RIPOR2: variants seen among roughly 807,000 people sequenced by gnomAD.
RIPOR2 encodes the protein rho family-interacting cell polarization regulator 2.
A neutral mutation model predicts 114.5 loss-of-function variants in RIPOR2; 39 were observed. The observed-to-expected ratio is 0.34, with a 90% CI of 0.26 to 0.44. RIPOR2 has a LOEUF of 0.44. RIPOR2 is among the 20% of genes least tolerant of loss of function. The probability of loss-of-function intolerance (pLI) is 1.00; values close to 1 mark genes in which losing one functional copy is unlikely to be tolerated. For missense variants in RIPOR2, 1,007 were observed against 1,255.1 expected (o/e 0.80, Z 2.99); for synonymous variants, 445 against 484.4 (o/e 0.92, Z 1.07).
chr6:24,811,295 G>T (rs1317785383), intron 20 of RIPOR2, among the ~76,000 whole-genome samples: 7 of 133,230 alleles, frequency 5.3e-5, no homozygotes, highest in Admixed American at 1.6e-4. Flanking sequence ...GTGCAGTGGT[G>T]CAATCTTGGC....
At chr6:24,976,477 T>G (rs2113565582) in intron 1 of RIPOR2, 1 of 1,571,690 alleles carries the variant, frequency 6.4e-7, no homozygotes, top group Admixed American at 1.7e-5. Context: ...TTGGGCCGCA[T>G]CTCCTTTGAG....
At chr6:24,901,333 T>G (rs899515362) in intron 1 of RIPOR2, among the ~76,000 whole-genome samples, 9 of 152,128 alleles carry the variant, frequency 5.9e-5, no homozygotes, top group African/African-American at 2.2e-4. Flanking sequence ...TTTTCTTCCA[T>G]CAGTGAGGGA....
chr6:24,952,162 G>C (rs918196329), intron 1 of RIPOR2, among the ~76,000 whole-genome samples: 1 of 152,174 alleles, frequency 6.6e-6, no homozygotes, highest in Non-Finnish European at 1.5e-5. Context: ...GAAGGAAATA[G>C]AACAACTGAG....
At chr6:24,874,733 A>G (rs980781523) in intron 2 of RIPOR2, among the ~76,000 whole-genome samples, 1 of 152,264 alleles carries the variant, frequency 6.6e-6, no homozygotes, top group African/African-American at 2.4e-5. Context: ...ACAAGTGTCT[A>G]TGAAATTCAA....
At chr6:25,017,878 C>T (rs1776090704) in intron 1 of RIPOR2, among the ~76,000 whole-genome samples, 1 of 152,190 alleles carries the variant, frequency 6.6e-6, no homozygotes, top group Non-Finnish European at 1.5e-5. Flanking sequence ...GTAAAGTCTT[C>T]AGGACACCTA....
At chr6:24,807,665 C>T (rs62400835) in intron 21 of RIPOR2, among the ~76,000 whole-genome samples, 6,612 of 152,278 alleles carry the variant, frequency 0.043, 186 homozygotes, top group Non-Finnish European at 0.063. Flanking sequence ...AACAGCCCAA[C>T]AGCCATTTAG....
chr6:24,830,457 G>C, intron 17 of RIPOR2, 52 bp downstream of exon 17: 1 of 1,128,302 alleles, frequency 8.9e-7, no homozygotes, highest in Non-Finnish European at 1.3e-6. Flanking sequence ...CCACCCCAAT[G>C]CCCACTCTCA....
chr6:24,959,453 G>A (rs185112949), intron 1 of RIPOR2, among the ~76,000 whole-genome samples: 31 of 152,352 alleles, frequency 2.0e-4, no homozygotes, highest in African/African-American at 7.5e-4. Context: ...ATGAAAGTAG[G>A]AAAGATTGCT....
At chr6:24,953,057 G>T (rs1167219317) in intron 1 of RIPOR2, among the ~76,000 whole-genome samples, 2 of 152,174 alleles carry the variant, frequency 1.3e-5, no homozygotes, top group Non-Finnish European at 2.9e-5. Flanking sequence ...GTTATGGCTG[G>T]GTGTGGTGGC....
At chr6:24,919,192 A>G (rs980785317) in intron 1 of RIPOR2, among the ~76,000 whole-genome samples, 1 of 152,212 alleles carries the variant, frequency 6.6e-6, no homozygotes, top group Non-Finnish European at 1.5e-5. Context: ...GCAGCTTTGG[A>G]GAGGAGCTGT....
At chr6:24,854,159 A>AATTGAT (rs1449367775) in intron 8 of RIPOR2, among the ~76,000 whole-genome samples, 1 of 152,020 alleles carries the variant, frequency 6.6e-6, no homozygotes, top group African/African-American at 2.4e-5. Context: ...ACACACAGTA[A>AATTGAT]ATTGATATGC....
At chr6:24,907,204 A>C (rs149020975) in intron 1 of RIPOR2, among the ~76,000 whole-genome samples, 1 of 152,366 alleles carries the variant, frequency 6.6e-6, no homozygotes, top group African/African-American at 2.4e-5. Flanking sequence ...ATGGAACACA[A>C]CATAGAAATA....
At chr6:24,904,787 T>G (rs1330760984) in intron 1 of RIPOR2, among the ~76,000 whole-genome samples, 1 of 152,224 alleles carries the variant, frequency 6.6e-6, no homozygotes, top group Non-Finnish European at 1.5e-5. Flanking sequence ...GCTTCTTTTA[T>G]TTTTGGAGAC....
At chr6:25,031,293 T>G (rs1017240513) in intron 1 of RIPOR2, 1 of 152,122 alleles carries the variant, frequency 6.6e-6, no homozygotes, top group African/African-American at 2.4e-5. Context: ...TTATGAGATA[T>G]TCTGGAAAAG....
At chr6:24,817,978 C>CT (rs57294288) in intron 20 of RIPOR2, among the ~76,000 whole-genome samples, 3 of 118,366 alleles carry the variant, frequency 2.5e-5, no homozygotes, top group African/African-American at 9.2e-5. Context: ...CTCTCTCTCT[C>CT]TTTTTTTTTG....
chr6:24,915,436 C>A (rs892583693), intron 1 of RIPOR2, among the ~76,000 whole-genome samples: 1 of 151,484 alleles, frequency 6.6e-6, no homozygotes, highest in Non-Finnish European at 1.5e-5. Flanking sequence ...CTCACTGCAA[C>A]CTCCACCTCC....
intron 5 of RIPOR2, among the ~76,000 whole-genome samples, chr6:24,870,041 G>T (rs1765005109): frequency 6.6e-6 from 1 of 152,068 alleles, no homozygotes; most frequent in African/African-American, 2.4e-5. Flanking sequence ...GCATGGAGCA[G>T]CACCGTATAT....
intron 1 of RIPOR2, among the ~76,000 whole-genome samples, chr6:24,925,938 T>C (rs1770831939): frequency 6.6e-6 from 1 of 152,204 alleles, no homozygotes; most frequent in African/African-American, 2.4e-5. Flanking sequence ...TTGTATAAAA[T>C]TAATGTTTAC....
At chr6:24,924,870 G>T (rs115587686) in intron 1 of RIPOR2, among the ~76,000 whole-genome samples, 2,107 of 152,254 alleles carry the variant, frequency 0.014, 23 homozygotes, top group Middle Eastern at 0.024. Flanking sequence ...TTTAGGCTTT[G>T]TGGGCCAAGT....
Sources: gnomAD v4.1 joint callset for allele counts (sites outside exome capture counted in the v4.1 genomes callset) on GRCh38, gnomAD v4.1.1 for gene constraint, MANE v1.5 for transcripts, NCBI Gene and HGNC (gene_info 2026-07-23, HGNC 2026-07-21) for gene names.